Variants in NRXN1 observed in about 807,000 individuals in gnomAD.
NRXN1 encodes neurexin 1.
A neutral mutation model predicts 150.9 loss-of-function variants in NRXN1; 39 were observed. The ratio of observed to expected loss-of-function variants is 0.26; its 90% CI spans 0.20 to 0.34. NRXN1 has a LOEUF of 0.34. NRXN1 is among the 10% of genes least tolerant of loss of function. The pLI is 1.00. For synonymous variants in NRXN1, 924 were observed against 757.0 expected (o/e 1.22, Z -3.62); for missense variants, 1,815 against 1,949.9 (o/e 0.93, Z 1.30).
In NRXN1 at chr2:50,347,415, C is replaced by A. The variant is rs1468908382; in HGVS notation, c.3365-110445G>T. On this transcript the variant is annotated intron_variant, in intron 17 of 22. Transcript: ENST00000401669. This position sits in a 1 kb window ranked among gnomAD's most constrained non-coding sequence, Gnocchi z 4.9. The stretch of plus-strand genomic sequence containing the variant: ...AGGTAAATCCATTTAGCTTTGTGTG[C>A]GGGGACTAGGGAGGCCACTTCGCCG... The A allele has an allele frequency of 2.6e-6, 3 of 1,166,784 alleles. No homozygotes were observed. The highest frequency in any genetic ancestry group is 3.2e-6 in the Non-Finnish European group (3 of 930,192). The allele number at this position is 1,166,784 out of a possible 1,614,324, so 72.3% of individuals were successfully genotyped here.
At chr2:50,752,840 G>C (rs1327642425) in intron 5 of NRXN1, among the ~76,000 whole-genome samples, 2 of 151,938 alleles carry the variant, frequency 1.3e-5, no homozygotes, top group Non-Finnish European at 2.9e-5. Context: ...TGATAATTTG[G>C]TGATTTCCCG....
intron 19 of NRXN1, among the ~76,000 whole-genome samples, chr2:50,073,201 T>G (rs1696564695): frequency 6.6e-6 from 1 of 152,212 alleles, no homozygotes; most frequent in African/African-American, 2.4e-5. Flanking sequence ...ACATTTATTC[T>G]GGCCCCTTTA....
Position 50,061,470 on chromosome 2 carries a change from T to C in NRXN1, c.3719-6426A>G, listed in dbSNP as rs940297576. Among the ~76,000 whole-genome samples the C allele has an allele frequency of 7.2e-5, 11 of 152,272 alleles. No homozygotes were observed. In the East Asian group the frequency reaches 1.7e-3, roughly 24 times the overall value. On this transcript the variant is annotated intron_variant, in intron 19 of 22. Coordinates refer to ENST00000401669, the MANE Select transcript of NRXN1 (RefSeq NM_001330078.2). ...AAAACAAGTGGAATGTCCCTGAAAA[T>C]TCAAATCAAAACAAAGTTGAATCTT...
chr2:50,642,983 A>C (rs1168835715), intron 5 of NRXN1, among the ~76,000 whole-genome samples: 2 of 152,028 alleles, frequency 1.3e-5, no homozygotes, highest in Non-Finnish European at 2.9e-5. Flanking sequence ...AATAAATTGC[A>C]GTAAACATAA....
At chr2:50,460,119 G>A (rs2088014955) in intron 17 of NRXN1, among the ~76,000 whole-genome samples, 1 of 152,076 alleles carries the variant, frequency 6.6e-6, no homozygotes, top group African/African-American at 2.4e-5. Flanking sequence ...TGGTTAGCTG[G>A]GCTCTGGTGA....
chr2:50,912,522 G>A (rs188306767), intron 5 of NRXN1, among the ~76,000 whole-genome samples: 1 of 151,942 alleles, frequency 6.6e-6, no homozygotes, highest in Non-Finnish European at 1.5e-5. Flanking sequence ...TCTTACACAG[G>A]GAATTGATGA....
intron 5 of NRXN1, among the ~76,000 whole-genome samples, chr2:50,894,242 T>TAATAAATAAATAAATA (rs202034347): frequency 9.1e-5 from 13 of 142,354 alleles, no homozygotes; most frequent in African/African-American, 3.4e-4. Context: ...AGTATAATAA[T>TAATAAATAAATAAATA]AATAAATAAA....
At position 50,334,192 on chromosome 2, in the gene NRXN1, A is replaced by ATTTTATATATATATAT. The variant is rs1553457970; in HGVS notation, c.3365-97223_3365-97222insATATATATATATAAAA. On this transcript the variant is annotated intron_variant, in intron 17 of 22. Transcript: ENST00000401669. The stretch of plus-strand genomic sequence containing the variant: ...CTGCCTTTCCTTAAGACCAGGACCA[A>ATTTTATATATATATAT]ATATATATATATATATATATGTATG... 4.1e-4 allele frequency among the ~76,000 whole-genome samples: 49 copies of ATTTTATATATATATAT among 118,962 alleles called. 1 individual carries two copies. Among genetic ancestry groups the ATTTTATATATATATAT allele is most frequent in the African/African-American group, 9.1e-4 (21 of 23,174 alleles). The allele number at this position is 118,962 out of a possible 152,430, so 78.0% of individuals were successfully genotyped here.
intron 21 of NRXN1, among the ~76,000 whole-genome samples, chr2:49,971,098 CTT>C (rs1677877810): frequency 6.6e-6 from 1 of 152,030 alleles, no homozygotes; most frequent in African/African-American, 2.4e-5. Flanking sequence ...AATATTTAAA[CTT>C]AATATAGACA....
chr2:50,977,634 T>C lies in NRXN1; in HGVS notation c.772+49868A>G, dbSNP rs139025122. 6.5e-3 allele frequency among the ~76,000 whole-genome samples: 995 copies of C among 151,996 alleles called. 14 individuals are homozygous for C. Among genetic ancestry groups the C allele is most frequent in the African/African-American group, 0.022 (922 of 41,550 alleles). ...AAGTAATGTAAGTGGGTCCACCACA[T>C]TAAACACACTCCTACCCTCTACTGA... On this transcript the variant is annotated intron_variant, in intron 2 of 22. Coordinates refer to ENST00000401669, the MANE Select transcript of NRXN1 (RefSeq NM_001330078.2).
At chr2:50,766,010 G>C (rs1000904527) in intron 5 of NRXN1, among the ~76,000 whole-genome samples, 3 of 151,940 alleles carry the variant, frequency 2.0e-5, no homozygotes, top group African/African-American at 7.2e-5. Flanking sequence ...TTTGCATTTA[G>C]GTCCATAATT....
intron 5 of NRXN1, among the ~76,000 whole-genome samples, chr2:50,808,174 C>G (rs1251523055): frequency 6.6e-6 from 1 of 152,058 alleles, no homozygotes; most frequent in Non-Finnish European, 1.5e-5. Context: ...AGTGTTAAAA[C>G]TATTGTAAAT....
intron 5 of NRXN1, among the ~76,000 whole-genome samples, chr2:50,899,454 C>G (rs950515168): frequency 1.3e-5 from 2 of 152,032 alleles, no homozygotes; most frequent in Admixed American, 1.3e-4. Flanking sequence ...ACATTAGAGG[C>G]CTTTTCATTT....
rs2080860040 is a variant in NRXN1 at position 50,380,297 on chromosome 2, C to CAT, written c.3364+85144_3364+85145insAT. ...ACATATGTGTGTGTGTGTGTGTGTG[C>CAT]GTGTGTGTGTGTATTTTTTTTCCCA... On this transcript the variant is annotated intron_variant, in intron 17 of 22. Coordinates refer to ENST00000401669, the MANE Select transcript of NRXN1 (RefSeq NM_001330078.2). Among the ~76,000 whole-genome samples, 7 of 144,268 alleles carry CAT rather than the reference C, an allele frequency of 4.9e-5. No homozygotes were observed. The South Asian group carries it at 1.3e-3, about 27-fold the overall frequency. The allele number at this position is 144,268 out of a possible 152,430, so 94.6% of individuals were successfully genotyped here. A position where few individuals can be genotyped will look rare whatever the true frequency, so the allele number is the denominator to read the frequency against.
intron 5 of NRXN1, among the ~76,000 whole-genome samples, chr2:50,731,027 C>G (rs942065709): frequency 6.6e-6 from 1 of 152,154 alleles, no homozygotes; most frequent in African/African-American, 2.4e-5. Flanking sequence ...TAGCTTTATC[C>G]TTGACTGTAA....
intron 18 of NRXN1, among the ~76,000 whole-genome samples, chr2:50,121,574 G>A (rs114668817): frequency 0.012 from 1,837 of 152,240 alleles, 37 homozygotes; most frequent in African/African-American, 0.042. Context: ...TCTGTGTGCA[G>A]GGGAATGTTT....
rs76578604 is a variant in NRXN1, at chr2:49,959,400, G to A, written c.4129-15609C>T. The stretch of plus-strand genomic sequence containing the variant: ...AGGCATCCAGCTGTATCTATCCAGA[G>A]TGGGTGATTCACCTGGTGTACCCTG... On this transcript the variant is annotated intron_variant, in intron 21 of 22. Coordinates refer to ENST00000401669, the MANE Select transcript of NRXN1 (RefSeq NM_001330078.2). Among the ~76,000 whole-genome samples, 1,064 of 152,322 alleles carry A rather than the reference G, an allele frequency of 7.0e-3. 11 individuals carry two copies. Among genetic ancestry groups the A allele is most frequent in the African/African-American group, 0.024 (988 of 41,572 alleles).
chr2:50,787,747 C>G (rs1455197095), intron 5 of NRXN1, among the ~76,000 whole-genome samples: 1 of 151,346 alleles, frequency 6.6e-6, no homozygotes, highest in African/African-American at 2.4e-5. Flanking sequence ...TATAACAACC[C>G]TGAAAAGACC....
At chr2:50,487,436 A>G (rs564354079) in intron 15 of NRXN1, among the ~76,000 whole-genome samples, 21 of 152,312 alleles carry the variant, frequency 1.4e-4, no homozygotes, top group African/African-American at 5.1e-4. Flanking sequence ...ACGCTGATTG[A>G]CCTAATGTGG....
Sources: gnomAD v4.1 joint callset for allele counts (sites outside exome capture counted in the v4.1 genomes callset) on GRCh38, gnomAD v4.1.1 for gene constraint, Gnocchi (gnomAD v3.1) non-coding constraint, MANE v1.5 for transcripts, NCBI Gene and HGNC (gene_info 2026-07-23, HGNC 2026-07-21) for gene names.